INHBB: variants seen among roughly 807,000 people sequenced by gnomAD.
INHBB encodes the protein inhibin subunit beta B, also known as inhibin beta B chain.
A neutral mutation model predicts 28.9 loss-of-function variants in INHBB; 8 were observed. The observed-to-expected ratio is 0.28, with a 90% confidence interval of 0.16 to 0.50. INHBB has a LOEUF of 0.50. Among genes scored for constraint, INHBB ranks in the 20% least tolerant of loss-of-function variants. INHBB has a pLI of 0.98. For missense variants in INHBB, 499 were observed against 597.8 expected (o/e 0.83, Z 1.72); for synonymous variants, 293 against 262.7 (o/e 1.12, Z -1.12).
In INHBB at chr2:120,349,001, C is replaced by T. The variant is rs1444481941; in HGVS notation, c.449-98C>T. Reference sequence around the variant, plus strand: ...TCAGTAACGTTTTCCAGCTGTGTGGCGAGTTGCATTCCAGCATCCTGCAGC... The same window carrying T: ...TCAGTAACGTTTTCCAGCTGTGTGGTGAGTTGCATTCCAGCATCCTGCAGC... On this transcript the variant is annotated intron_variant, in intron 1 of 1. Coordinates refer to ENST00000295228, the MANE Select transcript of INHBB (RefSeq NM_002193.4). The surrounding 1 kb of genome is among the most constrained non-coding windows in gnomAD (Gnocchi z 5.6). 19 of 1,361,360 alleles carry T rather than the reference C, an allele frequency of 1.4e-5. No individual in the cohort carries two copies. The highest frequency in any genetic ancestry group is 8.6e-5 in the South Asian group (6 of 69,690). The allele number at this position is 1,361,360 out of a possible 1,614,324, so 84.3% of individuals were successfully genotyped here. A position where few individuals can be genotyped will look rare whatever the true frequency, so the allele number is the denominator to read the frequency against.
At chr2:120,348,680 C>T (rs1691204626) in intron 1 of INHBB, among the ~76,000 whole-genome samples, 1 of 139,918 alleles carries the variant, frequency 7.1e-6, no homozygotes, top group Non-Finnish European at 1.6e-5. Flanking sequence ...AAAAAAAAAG[C>T]CCTACTAAAA....
rs1448536069 is a variant in INHBB at position 120,346,152 on chromosome 2, G to A, written c.-37G>A. 4.6e-6 allele frequency: 5 copies of A among 1,087,776 alleles called. No individual in the cohort carries two copies. The Admixed American group carries it at 1.6e-4, about 34-fold the overall frequency. 67.4% of individuals were successfully genotyped at this position (1,087,776 alleles called of 1,614,324 possible). On this transcript the variant is annotated 5_prime_UTR_variant, in exon 1 of 2. Transcript: ENST00000295228. ...CCCTGCGCTCGGCTCGACTCGGCTC[G>A]CCTCGCGGCGGGCGCCCTCGTCGCC...
In INHBB at chr2:120,346,467, C is replaced by T; in HGVS notation, c.279C>T (p.Asn93=). 1 of 1,558,956 alleles carries T rather than the reference C, an allele frequency of 6.4e-7. No homozygotes were observed. Among genetic ancestry groups the T allele is most frequent in the Non-Finnish European group, 8.6e-7 (1 of 1,161,046 alleles). The part of the protein sequence containing the change: ...LSRLQMRGRP[N]ITHAVPKAAM... Reference sequence around the variant, plus strand: ...GCCTGCAGATGCGGGGCCGGCCCAACATCACGCACGCCGTGCCTAAGGCCG... The same window carrying T: ...GCCTGCAGATGCGGGGCCGGCCCAATATCACGCACGCCGTGCCTAAGGCCG... The change falls in exon 1 of 2, where the codon AAC becomes AAT. Residue 93 remains asparagine (N), a synonymous_variant. Coordinates refer to ENST00000295228, the MANE Select transcript of INHBB (RefSeq NM_002193.4).
At chr2:120,347,404 C>T (rs113214629) in intron 1 of INHBB, among the ~76,000 whole-genome samples, 12,352 of 150,820 alleles carry the variant, frequency 0.082, 827 homozygotes, top group South Asian at 0.21. Flanking sequence ...CGCCCCCCCC[C>T]CCGGCCCCAG....
chr2:120,349,482 G>T lies in INHBB; in HGVS notation c.832G>T (p.Val278Leu). 6.2e-7 allele frequency: 1 copy of T among 1,613,642 alleles called. No homozygotes were observed. Among genetic ancestry groups the T allele is most frequent in the Non-Finnish European group, 8.5e-7 (1 of 1,180,010 alleles). Residue 278 changes from valine to leucine, a missense_variant, in exon 2 of 2, where the codon GTG (valine) becomes TTG (leucine). Val to Leu is a conservative substitution (Grantham distance 32). Transcript: ENST00000295228. This position sits in a 1 kb window ranked among gnomAD's most constrained non-coding sequence, Gnocchi z 5.6. ...GEESHRPFVV[V>L]QARLGDSRHR... ...AGAGTCGCACCGGCCCTTTGTGGTGGTGCAGGCTCGGCTGGGCGACAGCAG... is the reference window on the plus strand; with the variant it reads ...AGAGTCGCACCGGCCCTTTGTGGTGTTGCAGGCTCGGCTGGGCGACAGCAG...
At chr2:120,347,773 G>A (rs1441072927) in intron 1 of INHBB, among the ~76,000 whole-genome samples, 1 of 152,264 alleles carries the variant, frequency 6.6e-6, no homozygotes, top group African/African-American at 2.4e-5. Flanking sequence ...GCATGGCCGG[G>A]TGTGGAGAAA....
intron 1 of INHBB, 38 bp downstream of exon 1, chr2:120,346,674 C>T (rs1691160902): frequency 7.2e-7 from 1 of 1,385,752 alleles, no homozygotes; most frequent in African/African-American, 1.5e-5. Flanking sequence ...GCGGTCCCCG[C>T]TCGCTCCCGC....
In INHBB at chr2:120,351,070, TGCCCGCCC is replaced by T. The variant is rs1200485200; in HGVS notation, c.*1203_*1210del. ...GCCCCTGCCCACTCACCTGCCCGCC[TGCCCGCCC>T]GCCCGCATAGCACTTGCAGACCTGC... On this transcript the variant is annotated 3_prime_UTR_variant, in exon 2 of 2. Coordinates refer to ENST00000295228, the MANE Select transcript of INHBB (RefSeq NM_002193.4). The T allele has an allele frequency of 6.6e-6, 1 of 152,658 alleles. No individual in the cohort carries two copies. Among genetic ancestry groups the T allele is most frequent in the African/African-American group, 2.4e-5 (1 of 41,438 alleles). The allele number at this position is 152,658 out of a possible 1,614,324, so 9.5% of individuals were successfully genotyped here.
chr2:120,346,846 C>T (rs934763429), intron 1 of INHBB, among the ~76,000 whole-genome samples: 1 of 152,230 alleles, frequency 6.6e-6, no homozygotes, highest in South Asian at 2.1e-4. Context: ...CCTGCTGCCT[C>T]AACCCCCCGC....
Position 120,346,582 on chromosome 2 carries a change from C to G in INHBB, c.394C>G (p.Pro132Ala). 1 of 1,466,126 alleles carries G rather than the reference C, an allele frequency of 6.8e-7. No individual in the cohort carries two copies. The highest frequency in any genetic ancestry group is 9.0e-7 in the Non-Finnish European group (1 of 1,116,626). The allele number at this position is 1,466,126 out of a possible 1,614,324, so 90.8% of individuals were successfully genotyped here. ...EIPHLDGHASPGADGQERVSE... is the reference protein window; with the variant it reads ...EIPHLDGHASAGADGQERVSE... ...CCCGCACCTCGACGGCCACGCCAGC[C>G]CGGGCGCCGACGGCCAGGAGCGCGT... The change falls in exon 1 of 2, where the codon CCG becomes GCG. Residue 132 changes from proline (P) to alanine (A), a missense_variant. Physicochemically the swap from Pro to Ala is conservative, Grantham distance 27. Around this residue, in one of 2 missense-constraint regions of INHBB, gnomAD observed 385 missense variants for 415.2 expected, o/e 0.93. Coordinates refer to ENST00000295228, the MANE Select transcript of INHBB (RefSeq NM_002193.4).
rs1691263036 is a variant in INHBB, at chr2:120,351,780, A to C, written c.*1906A>C. On this transcript the variant is annotated 3_prime_UTR_variant, in exon 2 of 2. Transcript: ENST00000295228. ...AGTATTGTACGTTTGTGTACAGTTT[A>C]AGAAAATAAAAGATTGAGTGCCACG... 1 of 152,220 alleles carries C rather than the reference A, an allele frequency of 6.6e-6. No individual in the cohort carries two copies. Among genetic ancestry groups the C allele is most frequent in the South Asian group, 2.1e-4 (1 of 4,832 alleles). The allele number at this position is 152,220 out of a possible 1,614,324, so 9.4% of individuals were successfully genotyped here.
In INHBB at chr2:120,346,140, T is replaced by C; in HGVS notation, c.-49T>C. On this transcript the variant is annotated 5_prime_UTR_variant, in exon 1 of 2. Transcript: ENST00000295228. ...CCCGGAGCCCGGCCCTGCGCTCGGC[T>C]CGACTCGGCTCGCCTCGCGGCGGGC... 5.8e-6 allele frequency: 6 copies of C among 1,040,298 alleles called. No homozygotes were observed. Among genetic ancestry groups the C allele is most frequent in the Non-Finnish European group, 6.9e-6 (6 of 868,938 alleles). 64.4% of individuals were successfully genotyped at this position (1,040,298 alleles called of 1,614,324 possible). A position where few individuals can be genotyped will look rare whatever the true frequency, so the allele number is the denominator to read the frequency against.
Position 120,349,117 on chromosome 2 carries a change from G to A in INHBB, c.467G>A (p.Arg156Gln), listed in dbSNP as rs779417932. The A allele has an allele frequency of 1.9e-6, 3 of 1,603,526 alleles. No individual in the cohort carries two copies. The highest frequency in any genetic ancestry group is 2.6e-6 in the Non-Finnish European group (3 of 1,172,802). ...FAETDGLASS[R>Q]VRLYFFISNE... ...TCCGCAGATGGCCTCGCCTCCTCCCGGGTCCGCCTATACTTCTTCATCTCC... is the reference window on the plus strand; with the variant it reads ...TCCGCAGATGGCCTCGCCTCCTCCCAGGTCCGCCTATACTTCTTCATCTCC... The change falls in exon 2 of 2, where the codon CGG becomes CAG. Residue 156 changes from arginine to glutamine, a missense_variant. Physicochemically the swap from Arg to Gln is conservative, Grantham distance 43. Around this residue, in one of 2 missense-constraint regions of INHBB, gnomAD observed 385 missense variants for 415.2 expected, o/e 0.93. Transcript: ENST00000295228. This position sits in a 1 kb window ranked among gnomAD's most constrained non-coding sequence, Gnocchi z 5.6.
Position 120,349,691 on chromosome 2 carries a change from C to T in INHBB, c.1041C>T (p.Ala347=). 5 of 1,613,856 alleles carry T rather than the reference C, an allele frequency of 3.1e-6. No individual in the cohort carries two copies. The highest frequency in any genetic ancestry group is 1.1e-5 in the South Asian group (1 of 91,092). ...ACCTGGCAGGGGTCCCCGGCTCTGC[C>T]TCCTCCTTCCACACGGCTGTGGTGA... ...PAYLAGVPGS[A]SSFHTAVVNQ... The change falls in exon 2 of 2, where the codon GCC becomes GCT. Residue 347 remains alanine, a synonymous_variant. Transcript: ENST00000295228. The surrounding 1 kb of genome is among the most constrained non-coding windows in gnomAD (Gnocchi z 5.6).
rs764672859 is a variant in INHBB, at chr2:120,346,317, G to A, written c.129G>A (p.Pro43=). The change falls in exon 1 of 2, where the codon CCG becomes CCA. Residue 43 remains proline, a synonymous_variant. Transcript: ENST00000295228. ...PPTPAAPPPP[P]PPGSPGGSQD... ...CGCCTGCCGCGCCGCCGCCACCCCC[G>A]CCACCCGGATCCCCGGGTGGCTCGC... 2 of 1,381,566 alleles carry A rather than the reference G, an allele frequency of 1.4e-6. No homozygotes were observed. The highest frequency in any genetic ancestry group is 3.6e-5 in the Admixed American group (1 of 27,998). The allele number at this position is 1,381,566 out of a possible 1,614,324, so 85.6% of individuals were successfully genotyped here. A position where few individuals can be genotyped will look rare whatever the true frequency, so the allele number is the denominator to read the frequency against.
rs765268608 is a variant in INHBB, at chr2:120,349,836, G to A, written c.1186G>A (p.Val396Met). The A allele has an allele frequency of 1.9e-6, 3 of 1,612,888 alleles. No individual in the cohort carries two copies. Among genetic ancestry groups the A allele is most frequent in the Non-Finnish European group, 2.5e-6 (3 of 1,179,852 alleles). Reference protein sequence around the residue: ...DDEYNIVKRDVPNMIVEECGC... With the variant: ...DDEYNIVKRDMPNMIVEECGC... ...TGAGTACAACATCGTCAAGCGGGACGTGCCCAACATGATTGTGGAGGAGTG... is the reference window on the plus strand; with the variant it reads ...TGAGTACAACATCGTCAAGCGGGACATGCCCAACATGATTGTGGAGGAGTG... The change falls in exon 2 of 2, where the codon GTG becomes ATG. Residue 396 changes from valine (V) to methionine (M), a missense_variant. Coordinates refer to ENST00000295228, the MANE Select transcript of INHBB (RefSeq NM_002193.4). The surrounding 1 kb of genome is among the most constrained non-coding windows in gnomAD (Gnocchi z 5.6).
At position 120,346,559 on chromosome 2, in the gene INHBB, C is replaced by A; in HGVS notation, c.371C>A (p.Pro124Gln). Residue 124 changes from proline (P) to glutamine (Q), a missense_variant, in exon 1 of 2, where the codon CCG (proline) becomes CAG (glutamine). Coordinates refer to ENST00000295228, the MANE Select transcript of INHBB (RefSeq NM_002193.4). Reference protein sequence around the residue: ...KVREDGRVEIPHLDGHASPGA... With the variant: ...KVREDGRVEIQHLDGHASPGA... The stretch of plus-strand genomic sequence containing the variant: ...CGCGAGGACGGCCGCGTGGAGATCC[C>A]GCACCTCGACGGCCACGCCAGCCCG... The A allele has an allele frequency of 6.7e-7, 1 of 1,496,734 alleles. No homozygotes were observed. The allele number at this position is 1,496,734 out of a possible 1,614,324, so 92.7% of individuals were successfully genotyped here.
chr2:120,349,518 C>A lies in INHBB; in HGVS notation c.868C>A (p.Arg290Ser), dbSNP rs867394312. 6.2e-7 allele frequency: 1 copy of A among 1,613,610 alleles called. No individual in the cohort carries two copies. The highest frequency in any genetic ancestry group is 1.7e-5 in the Admixed American group (1 of 60,016). ...GCTGGGCGACAGCAGGCACCGCATTCGCAAGCGAGGCCTGGAGTGCGATGG... is the reference window on the plus strand; with the variant it reads ...GCTGGGCGACAGCAGGCACCGCATTAGCAAGCGAGGCCTGGAGTGCGATGG... ...ARLGDSRHRI[R>S]KRGLECDGRT... is the part of the protein sequence containing the mutation. Residue 290 changes from arginine (R) to serine (S), a missense_variant, in exon 2 of 2, where the codon CGC (arginine) becomes AGC (serine). Physicochemically the swap from Arg to Ser is moderately radical, Grantham distance 110. This residue lies in a region of INHBB where 114 missense variants were observed against 182.6 expected (regional missense o/e 0.62). Coordinates refer to ENST00000295228, the MANE Select transcript of INHBB (RefSeq NM_002193.4). This position sits in a 1 kb window ranked among gnomAD's most constrained non-coding sequence, Gnocchi z 5.6.
chr2:120,346,626 C>T lies in INHBB; in HGVS notation c.438C>T (p.Phe146=), dbSNP rs1484887598. Residue 146 remains phenylalanine, a synonymous_variant, in exon 1 of 2, where the codon TTC becomes TTT. Transcript: ENST00000295228. ...AGCGCGTTTCCGAAATCATCAGCTT[C>T]GCCGAGACAGGTGGGTCCGGCCCTC... ...GQERVSEIIS[F]AETDGLASSR... 1.4e-6 allele frequency: 2 copies of T among 1,446,686 alleles called. No homozygotes were observed. Among genetic ancestry groups the T allele is most frequent in the African/African-American group, 1.5e-5 (1 of 67,788 alleles). The allele number at this position is 1,446,686 out of a possible 1,614,324, so 89.6% of individuals were successfully genotyped here. A position where few individuals can be genotyped will look rare whatever the true frequency, so the allele number is the denominator to read the frequency against.
Sources: gnomAD v4.1 joint callset for allele counts (sites outside exome capture counted in the v4.1 genomes callset) on GRCh38, gnomAD v4.1.1 for gene constraint, gnomAD v4.1.1 regional missense constraint, Gnocchi (gnomAD v3.1) non-coding constraint, MANE v1.5 for transcripts, NCBI Gene and HGNC (gene_info 2026-07-23, HGNC 2026-07-21) for gene names.